Variants in KCNAB1 observed in about 807,000 individuals in gnomAD.
KCNAB1 encodes voltage-gated potassium channel subunit beta-1.
Under a neutral mutation model 64.6 loss-of-function variants are expected in KCNAB1, and 35 were observed. That is an observed-to-expected ratio of 0.54 (90% CI 0.41 to 0.72). The LOEUF (loss-of-function observed/expected upper bound fraction) is 0.72, where lower values mean the gene tolerates loss of function less well. Ranked by LOEUF, KCNAB1 falls within the 30% of genes least tolerant of loss-of-function variation. The pLI is 0.00. For missense variants in KCNAB1, 401 were observed against 512.9 expected (o/e 0.78, Z 2.11); for synonymous variants, 177 against 183.8 (o/e 0.96, Z 0.30).
At chr3:156,221,607 G>T (rs776130085) in intron 1 of KCNAB1, among the ~76,000 whole-genome samples, 3 of 152,022 alleles carry the variant, frequency 2.0e-5, no homozygotes. Context: ...GTGAAACCCT[G>T]TCTGTACTAA....
At chr3:156,327,084 T>TA (rs1356109449) in intron 1 of KCNAB1, among the ~76,000 whole-genome samples, 1 of 152,120 alleles carries the variant, frequency 6.6e-6, no homozygotes, top group African/African-American at 2.4e-5. Context: ...AAACATATTT[T>TA]AAAAAATCTG....
chr3:156,292,527 C>G (rs900418028), intron 1 of KCNAB1, among the ~76,000 whole-genome samples: 1 of 152,012 alleles, frequency 6.6e-6, no homozygotes, highest in Non-Finnish European at 1.5e-5. Context: ...TAGTACTGCT[C>G]TCTTATTTAT....
intron 13 of KCNAB1, among the ~76,000 whole-genome samples, chr3:156,534,598 G>A (rs910151512): frequency 1.3e-5 from 2 of 152,152 alleles, no homozygotes; most frequent in African/African-American, 4.8e-5. Flanking sequence ...GAGCTTCGGC[G>A]ATAACAGTGG....
chr3:156,325,682 G>T (rs1722928337), intron 1 of KCNAB1, among the ~76,000 whole-genome samples: 1 of 151,962 alleles, frequency 6.6e-6, no homozygotes, highest in South Asian at 2.1e-4. Flanking sequence ...GCCAGGTGTG[G>T]TGGCTCACAC....
At chr3:156,392,068 A>G (rs1194747119) in intron 1 of KCNAB1, among the ~76,000 whole-genome samples, 3 of 152,166 alleles carry the variant, frequency 2.0e-5, no homozygotes, top group Non-Finnish European at 2.9e-5. Flanking sequence ...CTCCTCAGAG[A>G]GGACTTCCAA....
intron 2 of KCNAB1, among the ~76,000 whole-genome samples, chr3:156,450,937 T>C (rs12631609): frequency 0.36 from 54,510 of 150,480 alleles, 11,826 homozygotes; most frequent in East Asian, 0.55. Context: ...CACAAGTTCA[T>C]TTTCCTCTTC....
rs117227675 is a variant in KCNAB1, at chr3:156,247,020, G to T, written c.275+126134G>T. 7.6e-4 allele frequency among the ~76,000 whole-genome samples: 115 copies of T among 152,248 alleles called. No individual in the cohort carries two copies. In the East Asian group the frequency reaches 0.02, roughly 27 times the overall value. On this transcript the variant is annotated intron_variant, in intron 1 of 13. Coordinates refer to ENST00000490337, the MANE Select transcript of KCNAB1 (RefSeq NM_172160.3). ...ATAAGAAACCATTCCAAAATATGTT[G>T]GCTTAAAACAACCATTTATTCTTGC...
In KCNAB1 at chr3:156,123,815, A is replaced by T. The variant is rs181018127; in HGVS notation, c.275+2929A>T. ...GCCTGTAACTGTGGGCATGTTTTTTAAAAAAAGTATTGTTTTTGAATAAAA... is the reference window on the plus strand; with the variant it reads ...GCCTGTAACTGTGGGCATGTTTTTTTAAAAAAGTATTGTTTTTGAATAAAA... On this transcript the variant is annotated intron_variant, in intron 1 of 13. Coordinates refer to ENST00000490337, the MANE Select transcript of KCNAB1 (RefSeq NM_172160.3). 3.8e-4 allele frequency among the ~76,000 whole-genome samples: 58 copies of T among 152,256 alleles called. No homozygotes were observed. In the East Asian group the frequency reaches 5.4e-3, roughly 14 times the overall value.
chr3:156,278,078 C>T (rs1357696336), intron 1 of KCNAB1, among the ~76,000 whole-genome samples: 5 of 152,106 alleles, frequency 3.3e-5, no homozygotes, highest in Non-Finnish European at 5.9e-5. Context: ...GATCTTGGAT[C>T]TGCCCTTTTT....
At chr3:156,397,957 A>G (rs1713586061) in intron 1 of KCNAB1, among the ~76,000 whole-genome samples, 1 of 152,208 alleles carries the variant, frequency 6.6e-6, no homozygotes, top group Non-Finnish European at 1.5e-5. Flanking sequence ...ATATTTTCCA[A>G]TTGCTTTCAT....
At chr3:156,405,540 T>C (rs1714192800) in intron 1 of KCNAB1, among the ~76,000 whole-genome samples, 1 of 152,232 alleles carries the variant, frequency 6.6e-6, no homozygotes, top group African/African-American at 2.4e-5. Context: ...AAAAAAAGTT[T>C]AGAAAACATA....
At chr3:156,154,262 A>G (rs922139847) in intron 1 of KCNAB1, among the ~76,000 whole-genome samples, 2 of 152,126 alleles carry the variant, frequency 1.3e-5, no homozygotes, top group African/African-American at 4.8e-5. Flanking sequence ...CTCATATTAC[A>G]GAGCCATGGG....
intron 8 of KCNAB1, among the ~76,000 whole-genome samples, chr3:156,504,041 A>G (rs543402979): frequency 6.6e-6 from 1 of 152,248 alleles, no homozygotes; most frequent in Admixed American, 6.5e-5. Flanking sequence ...TTTATTAACC[A>G]AACTCTCCGT....
intron 1 of KCNAB1, among the ~76,000 whole-genome samples, chr3:156,392,024 C>A (rs889066991): frequency 9.2e-5 from 14 of 152,154 alleles, no homozygotes; most frequent in African/African-American, 3.4e-4. Flanking sequence ...TGGTATAAAG[C>A]ATGATTTCTC....
At chr3:156,223,941 C>T (rs1348134585) in intron 1 of KCNAB1, among the ~76,000 whole-genome samples, 1 of 152,252 alleles carries the variant, frequency 6.6e-6, no homozygotes, top group African/African-American at 2.4e-5. Context: ...GTTGATGGGA[C>T]CGGGCTCCGT....
At chr3:156,531,282 A>G (rs1718684331) in intron 12 of KCNAB1, 127 bp from the exon 13 acceptor site, 1 of 759,094 alleles carries the variant, frequency 1.3e-6, no homozygotes, top group African/African-American at 1.7e-5. Flanking sequence ...CCTAGGAAGC[A>G]CTGTACATCC....
chr3:156,509,390 C>T (rs1442568685), intron 8 of KCNAB1, among the ~76,000 whole-genome samples: 1 of 152,118 alleles, frequency 6.6e-6, no homozygotes, highest in Non-Finnish European at 1.5e-5. Context: ...GCTGCTGCTG[C>T]TGCTGCTGCT....
intron 1 of KCNAB1, among the ~76,000 whole-genome samples, chr3:156,215,260 C>T (rs921149814): frequency 4.6e-5 from 7 of 152,126 alleles, no homozygotes; most frequent in Non-Finnish European, 1.0e-4. Context: ...AAAACCTACG[C>T]TCTTGAGCAA....
At chr3:156,356,147 A>G (rs1725222767) in intron 1 of KCNAB1, among the ~76,000 whole-genome samples, 1 of 150,442 alleles carries the variant, frequency 6.6e-6, no homozygotes, top group Non-Finnish European at 1.5e-5. Flanking sequence ...AAAGAAAAGA[A>G]AAGAAAGAGA....
Sources: gnomAD v4.1 joint callset for allele counts (sites outside exome capture counted in the v4.1 genomes callset) on GRCh38, gnomAD v4.1.1 for gene constraint, MANE v1.5 for transcripts, NCBI Gene and HGNC (gene_info 2026-07-23, HGNC 2026-07-21) for gene names.